Variants in PPP2R2C observed in about 807,000 individuals in gnomAD.
PPP2R2C encodes the protein protein phosphatase 2, regulatory subunit B, gamma.
A neutral mutation model predicts 45.3 loss-of-function variants in PPP2R2C; 10 were observed. The ratio of observed to expected loss-of-function variants is 0.22; its 90% CI spans 0.14 to 0.37. The LOEUF (loss-of-function observed/expected upper bound fraction) is 0.37. Ranked by LOEUF, PPP2R2C falls within the 10% of genes least tolerant of loss-of-function variation. PPP2R2C has a pLI of 1.00. For synonymous variants in PPP2R2C, 257 were observed against 245.4 expected, an observed-to-expected ratio of 1.05 and a Z score of -0.44; for missense variants, 308 against 619.7, an observed-to-expected ratio of 0.50 and a Z score of 5.34.
At chr4:6,385,740 T>C (rs1403807478) in intron 1 of PPP2R2C, among the ~76,000 whole-genome samples, 1 of 152,146 alleles carries the variant, frequency 6.6e-6, no homozygotes. Flanking sequence ...CAGCTAATTT[T>C]TGTATTTTTA....
chr4:6,329,962 C>T lies in PPP2R2C; in HGVS notation c.961-609G>A, dbSNP rs1732275864. ...CAGGCCTTTTGAGGGTAATGATCTCCGAGAACACAGGGTGGCGGCCATCAA... is the reference window on the plus strand; with the variant it reads ...CAGGCCTTTTGAGGGTAATGATCTCTGAGAACACAGGGTGGCGGCCATCAA... On this transcript the variant is annotated intron_variant, in intron 7 of 8. Coordinates refer to ENST00000382599, the MANE Select transcript of PPP2R2C (RefSeq NM_020416.4). The surrounding 1 kb of genome is among the most constrained non-coding windows in gnomAD (Gnocchi z 5.8). Among the ~76,000 whole-genome samples, 2 of 152,144 alleles carry T rather than the reference C, an allele frequency of 1.3e-5. No homozygotes were observed. The highest frequency in any genetic ancestry group is 2.4e-5 in the African/African-American group (1 of 41,430).
intron 2 of PPP2R2C, among the ~76,000 whole-genome samples, chr4:6,528,189 G>A (rs1359189813): frequency 6.6e-6 from 1 of 152,240 alleles, no homozygotes; most frequent in Non-Finnish European, 1.5e-5. Context: ...CCCCTGCCCG[G>A]GCAAACATCT....
At chr4:6,396,991 A>T (rs549254960) in intron 1 of PPP2R2C, among the ~76,000 whole-genome samples, 1 of 147,464 alleles carries the variant, frequency 6.8e-6, no homozygotes, top group South Asian at 2.2e-4. Context: ...TGGCTCAAAA[A>T]ATTCCTAAAA....
chr4:6,387,583 G>A (rs1456420078), intron 1 of PPP2R2C, among the ~76,000 whole-genome samples: 1 of 152,110 alleles, frequency 6.6e-6, no homozygotes, highest in African/African-American at 2.4e-5. Flanking sequence ...GTCCAAGCCG[G>A]GTGGATCACC....
In PPP2R2C at chr4:6,383,207, G is replaced by C. The variant is rs183779189; in HGVS notation, c.71-2113C>G. The C allele has an allele frequency of 3.7e-5, 44 of 1,191,424 alleles. No individual in the cohort carries two copies. In the East Asian group the frequency reaches 2.3e-3, roughly 61 times the overall value. The allele number at this position is 1,191,424 out of a possible 1,614,324, so 73.8% of individuals were successfully genotyped here. A position where few individuals can be genotyped will look rare whatever the true frequency, so the allele number is the denominator to read the frequency against. On this transcript the variant is annotated intron_variant, in intron 1 of 8. Coordinates refer to ENST00000382599, the MANE Select transcript of PPP2R2C (RefSeq NM_020416.4). ...GCAGGCTGGCCCACTGGCCCCTGAG[G>C]GGGAGGAGGAAGAGTGGGTGCAGAA...
intron 1 of PPP2R2C, among the ~76,000 whole-genome samples, chr4:6,538,759 G>C (rs146170865): frequency 2.6e-5 from 4 of 152,310 alleles, no homozygotes; most frequent in Middle Eastern, 3.4e-3. Context: ...ACTTGTTCTC[G>C]TTACAAAGGC....
At chr4:6,445,842 G>A (rs1180083890) in intron 1 of PPP2R2C, among the ~76,000 whole-genome samples, 30 of 152,244 alleles carry the variant, frequency 2.0e-4, no homozygotes. Flanking sequence ...GATGTTCTAA[G>A]GGAGGGCTGG....
chr4:6,368,360 C>G lies in PPP2R2C; in HGVS notation c.625+4163G>C, dbSNP rs192581218. Among the ~76,000 whole-genome samples, 39 of 152,308 alleles carry G rather than the reference C, an allele frequency of 2.6e-4. No individual in the cohort carries two copies. The highest frequency in any genetic ancestry group is 8.7e-4 in the African/African-American group (36 of 41,570). On this transcript the variant is annotated intron_variant, in intron 5 of 8. Transcript: ENST00000382599. The surrounding 1 kb of genome is among the most constrained non-coding windows in gnomAD (Gnocchi z 4.2). ...CTGTAGCACCCACGGACCACCTGCTCCAATGCCGGGTATTTTACCAATGGT... is the reference window on the plus strand; with the variant it reads ...CTGTAGCACCCACGGACCACCTGCTGCAATGCCGGGTATTTTACCAATGGT...
chr4:6,331,385 T>C lies in PPP2R2C; in HGVS notation c.961-2032A>G, dbSNP rs915912455. ...CACCTCCCAGGACAGCTGGGAGGCT[T>C]AGATGAGGCAAAGCATATTATGGAC... On this transcript the variant is annotated intron_variant, in intron 7 of 8. Coordinates refer to ENST00000382599, the MANE Select transcript of PPP2R2C (RefSeq NM_020416.4). The surrounding 1 kb of genome is among the most constrained non-coding windows in gnomAD (Gnocchi z 5.9). Among the ~76,000 whole-genome samples the C allele has an allele frequency of 6.6e-6, 1 of 151,912 alleles. No homozygotes were observed. The highest frequency in any genetic ancestry group is 1.5e-5 in the Non-Finnish European group (1 of 67,970).
intron 1 of PPP2R2C, among the ~76,000 whole-genome samples, chr4:6,388,782 C>G (rs529905966): frequency 6.6e-6 from 1 of 152,164 alleles, no homozygotes; most frequent in Non-Finnish European, 1.5e-5. Context: ...TCAGAGGGAG[C>G]CCAGCCCTGC....
chr4:6,525,540 G>T (rs947770592), intron 2 of PPP2R2C, among the ~76,000 whole-genome samples: 1 of 152,006 alleles, frequency 6.6e-6, no homozygotes, highest in South Asian at 2.1e-4. Flanking sequence ...TGGGACCGGA[G>T]GTCAGACACA....
At chr4:6,506,331 C>A (rs1370922545) in intron 2 of PPP2R2C, among the ~76,000 whole-genome samples, 1 of 152,162 alleles carries the variant, frequency 6.6e-6, no homozygotes, top group Non-Finnish European at 1.5e-5. Flanking sequence ...AACATAGCTA[C>A]CTCAATTAAA....
intron 6 of PPP2R2C, among the ~76,000 whole-genome samples, chr4:6,339,762 T>C (rs1002765720): frequency 3.3e-5 from 5 of 151,888 alleles, no homozygotes; most frequent in African/African-American, 9.7e-5. Context: ...GCCTATGGGG[T>C]CCTGGGCAGT....
At chr4:6,467,779 G>A (rs1419436179) in intron 1 of PPP2R2C, among the ~76,000 whole-genome samples, 3 of 152,140 alleles carry the variant, frequency 2.0e-5, no homozygotes, top group Admixed American at 6.5e-5. Flanking sequence ...GTTCAGAGGC[G>A]GCCTGGACAT....
intron 5 of PPP2R2C, among the ~76,000 whole-genome samples, chr4:6,360,304 A>C (rs1437579181): frequency 2.0e-5 from 3 of 152,260 alleles, no homozygotes; most frequent in Non-Finnish European, 4.4e-5. Context: ...CACCATCTGC[A>C]GCTTTCCCCA....
chr4:6,451,560 G>T (rs1490740252), intron 1 of PPP2R2C, among the ~76,000 whole-genome samples: 1 of 152,172 alleles, frequency 6.6e-6, no homozygotes, highest in African/African-American at 2.4e-5. Flanking sequence ...AGGGGACCTG[G>T]GTTATAAATC....
chr4:6,331,262 A>G lies in PPP2R2C; in HGVS notation c.961-1909T>C, dbSNP rs1268359460. Among the ~76,000 whole-genome samples, 1 of 152,132 alleles carries G rather than the reference A, an allele frequency of 6.6e-6. No individual in the cohort carries two copies. The highest frequency in any genetic ancestry group is 1.5e-5 in the Non-Finnish European group (1 of 68,036). ...GGGTGAGGAAGAGCTCTGGAGAAAG[A>G]CTGTCAATCTAAGGTCCGCTGCTTG... On this transcript the variant is annotated intron_variant, in intron 7 of 8. Coordinates refer to ENST00000382599, the MANE Select transcript of PPP2R2C (RefSeq NM_020416.4). This position sits in a 1 kb window ranked among gnomAD's most constrained non-coding sequence, Gnocchi z 5.9.
chr4:6,558,253 A>C (rs1725472569), intron 1 of PPP2R2C, among the ~76,000 whole-genome samples: 1 of 152,158 alleles, frequency 6.6e-6, no homozygotes, highest in African/African-American at 2.4e-5. Flanking sequence ...GAAGATTAAC[A>C]CTACTCTCAG....
At chr4:6,450,052 A>C (rs1453044460) in intron 1 of PPP2R2C, among the ~76,000 whole-genome samples, 2 of 152,216 alleles carry the variant, frequency 1.3e-5, no homozygotes, top group Non-Finnish European at 2.9e-5. Context: ...TGCGGGTTGC[A>C]GTTCCAGCCG....
Sources: gnomAD v4.1 joint callset for allele counts (sites outside exome capture counted in the v4.1 genomes callset) on GRCh38, gnomAD v4.1.1 for gene constraint, Gnocchi (gnomAD v3.1) non-coding constraint, MANE v1.5 for transcripts, NCBI Gene and HGNC (gene_info 2026-07-23, HGNC 2026-07-21) for gene names.